Variants in FHDC1 observed in about 807,000 individuals in gnomAD.
The protein encoded by FHDC1 is FH2 domain-containing protein 1.
FHDC1 carries 25 observed loss-of-function variants against 52.6 expected under a neutral mutation model. That is an observed-to-expected ratio of 0.48 (90% CI 0.35 to 0.66). FHDC1 has a LOEUF of 0.66. Ranked by LOEUF, FHDC1 falls within the 30% of genes least tolerant of loss-of-function variation. FHDC1 has a pLI of 0.01. For missense variants in FHDC1, 1,459 were observed against 1,452.8 expected, an observed-to-expected ratio of 1.00 and a Z score of -0.07; for synonymous variants, 616 against 581.5, an observed-to-expected ratio of 1.06 and a Z score of -0.85.
the FHDC1 span, among the ~76,000 whole-genome samples, chr4:152,920,730 G>A: frequency 6.6e-6 from 1 of 151,920 alleles, no homozygotes; most frequent in Non-Finnish European, 1.5e-5. Context: ...ACAGTGAGAT[G>A]CAATAAAAGT....
At chr4:152,945,842 C>T (rs770590619) in intron 2 of FHDC1, among the ~76,000 whole-genome samples, 3 of 152,164 alleles carry the variant, frequency 2.0e-5, no homozygotes, top group Non-Finnish European at 2.9e-5. Flanking sequence ...GAACACTTTT[C>T]GTGCTGCGGA....
At chr4:152,973,998 G>A (rs962741473) in intron 11 of FHDC1, among the ~76,000 whole-genome samples, 10 of 152,220 alleles carry the variant, frequency 6.6e-5, no homozygotes, top group African/African-American at 2.4e-4. Context: ...AGAGCCATGT[G>A]CTGCAGGCTG....
intron 11 of FHDC1, among the ~76,000 whole-genome samples, chr4:152,973,656 G>A (rs1354300872): frequency 1.3e-5 from 2 of 152,244 alleles, no homozygotes; most frequent in African/African-American, 4.8e-5. Flanking sequence ...GGGAGGCTGA[G>A]GCCAGAGCTG....
upstream of FHDC1, among the ~76,000 whole-genome samples, chr4:152,933,176 G>A (rs1041419822): frequency 9.2e-5 from 14 of 152,210 alleles, no homozygotes; most frequent in South Asian, 6.2e-4. Context: ...TGGCAGCAGC[G>A]CCACCTCCAA....
chr4:152,979,530 G>C lies in FHDC1; in HGVS notation c.*2807G>C, dbSNP rs181959495. On this transcript the variant is annotated 3_prime_UTR_variant, in exon 12 of 12. Coordinates refer to ENST00000511601, the MANE Select transcript of FHDC1 (RefSeq NM_001371116.1). ...ATTACCTTTTATCGGTAGTAAGCTT[G>C]GAAAAATAATTTAAGAATACAATGG... 3 of 152,150 alleles carry C rather than the reference G, an allele frequency of 2.0e-5. No homozygotes were observed. The East Asian group carries it at 5.8e-4, about 29-fold the overall frequency. 9.4% of individuals were successfully genotyped at this position (152,150 alleles called of 1,614,324 possible).
At chr4:152,952,790 G>A (rs139551369) in intron 2 of FHDC1, among the ~76,000 whole-genome samples, 138 of 152,222 alleles carry the variant, frequency 9.1e-4, no homozygotes, top group South Asian at 1.7e-3. Context: ...CTCAACTTAC[G>A]ATGGGGCTGC....
At chr4:152,965,365 A>G (rs1196314503) in intron 9 of FHDC1, among the ~76,000 whole-genome samples, 1 of 152,216 alleles carries the variant, frequency 6.6e-6, no homozygotes, top group African/African-American at 2.4e-5. Context: ...CTAACATGGT[A>G]CATTTATTTT....
upstream of FHDC1, among the ~76,000 whole-genome samples, chr4:152,936,132 G>C (rs898893272): frequency 6.6e-6 from 1 of 152,116 alleles, no homozygotes; most frequent in African/African-American, 2.4e-5. Context: ...CCGCGCAGGT[G>C]AAGGTGAGCG....
chr4:152,922,537 G>A, the FHDC1 span, among the ~76,000 whole-genome samples: 8 of 149,944 alleles, frequency 5.3e-5, no homozygotes, highest in African/African-American at 7.3e-5. Flanking sequence ...TACCAAAGCC[G>A]GGCAGAGACA....
At chr4:152,934,581 T>A (rs1257568603), upstream of FHDC1, among the ~76,000 whole-genome samples, 2 of 152,196 alleles carry the variant, frequency 1.3e-5, no homozygotes, top group Admixed American at 1.3e-4. Context: ...AAGCTTCAGG[T>A]CCCACGACAT....
chr4:152,933,111 C>T (rs2149929607), upstream of FHDC1, among the ~76,000 whole-genome samples: 1 of 152,260 alleles, frequency 6.6e-6, no homozygotes, highest in East Asian at 1.9e-4. Flanking sequence ...GGAGGTTTGG[C>T]CTGGTTGGAA....
At chr4:152,936,719 G>A (rs904966917) in intron 1 of FHDC1, among the ~76,000 whole-genome samples, 17 of 152,274 alleles carry the variant, frequency 1.1e-4, no homozygotes, top group African/African-American at 4.1e-4. Flanking sequence ...TCTGGAGAAC[G>A]AGCTGCATCG....
chr4:152,913,316 A>G, the FHDC1 span, among the ~76,000 whole-genome samples: 2 of 152,372 alleles, frequency 1.3e-5, no homozygotes, highest in East Asian at 3.9e-4. Flanking sequence ...AACTTGCAGT[A>G]TTCTGCAAAA....
chr4:152,955,665 A>T (rs571618994), intron 4 of FHDC1, among the ~76,000 whole-genome samples: 15 of 152,242 alleles, frequency 9.9e-5, no homozygotes, highest in Middle Eastern at 6.8e-3. Context: ...TTTGTTAGAG[A>T]TGGGATTTCA....
intron 10 of FHDC1, among the ~76,000 whole-genome samples, chr4:152,969,844 T>C (rs1740584210): frequency 6.6e-6 from 1 of 152,056 alleles, no homozygotes; most frequent in South Asian, 2.1e-4. Context: ...TAATTTTTTG[T>C]ATTTTTAGTA....
chr4:152,965,799 G>A lies in FHDC1; in HGVS notation c.1100+824G>A, dbSNP rs546285603. On this transcript the variant is annotated intron_variant, in intron 9 of 11. Transcript: ENST00000511601. Reference sequence around the variant, plus strand: ...GTTCTCATGAGCAGGTTCAGCCACCGCTCATGTGTCAAGCCAGTTCCTAGC... The same window carrying A: ...GTTCTCATGAGCAGGTTCAGCCACCACTCATGTGTCAAGCCAGTTCCTAGC... Among the ~76,000 whole-genome samples the A allele has an allele frequency of 1.1e-3, 169 of 152,252 alleles. 1 individual carries two copies. Among genetic ancestry groups the A allele is most frequent in the African/African-American group, 3.9e-3 (160 of 41,544 alleles).
At chr4:152,915,817 G>A in the FHDC1 span, among the ~76,000 whole-genome samples, 1 of 152,180 alleles carries the variant, frequency 6.6e-6, no homozygotes, top group Admixed American at 6.5e-5. Context: ...CCTACAAATG[G>A]CTCAATTTGA....
the FHDC1 span, among the ~76,000 whole-genome samples, chr4:152,924,573 C>T: frequency 2.3e-3 from 355 of 152,106 alleles, 2 homozygotes; most frequent in South Asian, 0.015. Context: ...ATGTTTATTG[C>T]GGCACTATTC....
upstream of FHDC1, among the ~76,000 whole-genome samples, chr4:152,935,096 C>T (rs1739325219): frequency 6.6e-6 from 1 of 152,170 alleles, no homozygotes; most frequent in Admixed American, 6.5e-5. Context: ...ATCCATTTCT[C>T]TTCATGCACC....
Sources: gnomAD v4.1 joint callset for allele counts (sites outside exome capture counted in the v4.1 genomes callset) on GRCh38, gnomAD v4.1.1 for gene constraint, MANE v1.5 for transcripts, NCBI Gene and HGNC (gene_info 2026-07-23, HGNC 2026-07-21) for gene names.